The following PIBF1 variants were observed in gnomAD, a reference collection of about 807,000 sequenced individuals.
PIBF1 encodes progesterone-induced-blocking factor 1.
Under a neutral mutation model 112.5 loss-of-function variants are expected in PIBF1, and 90 were observed. The observed-to-expected ratio is 0.80, with a 90% CI of 0.67 to 0.95. The LOEUF is 0.95. Ranked by LOEUF, PIBF1 falls within the 40% of genes least tolerant of loss-of-function variation. The pLI, the probability that PIBF1 is intolerant of heterozygous loss-of-function variation, is 0.00. For missense variants in PIBF1, 915 were observed against 852.3 expected, an observed-to-expected ratio of 1.07 and a Z score of -0.92; for synonymous variants, 301 against 288.6, an observed-to-expected ratio of 1.04 and a Z score of -0.44.
chr13:72,823,135 A>G lies in PIBF1; in HGVS notation c.806+1153A>G, dbSNP rs571545298. ...AAAAAGAATAAAAATGAAATAGATT[A>G]TGATGCTAAGATGATACCAGTTGGT... On this transcript the variant is annotated intron_variant, in intron 6 of 17. Transcript: ENST00000326291. Among the ~76,000 whole-genome samples the G allele has an allele frequency of 1.3e-4, 20 of 152,308 alleles. 1 individual carries two copies. In the East Asian group the frequency reaches 3.7e-3, roughly 28 times the overall value.
chr13:72,917,028 A>C (rs1373530434), intron 12 of PIBF1, 48 bp from the exon 13 acceptor site: 8 of 1,233,936 alleles, frequency 6.5e-6, no homozygotes, highest in African/African-American at 6.2e-5. Flanking sequence ...CATCTTTTTT[A>C]AAGGAAAAAT....
intron 14 of PIBF1, among the ~76,000 whole-genome samples, chr13:72,964,714 A>G (rs1174003317): frequency 1.3e-5 from 2 of 152,172 alleles, no homozygotes; most frequent in Non-Finnish European, 2.9e-5. Context: ...GACCAAGACA[A>G]ATACTAAGAA....
intron 9 of PIBF1, among the ~76,000 whole-genome samples, chr13:72,848,136 T>G (rs1287208444): frequency 2.6e-5 from 4 of 152,208 alleles, no homozygotes; most frequent in African/African-American, 9.7e-5. Context: ...TTTTGTTTTT[T>G]CACTATTTAT....
At chr13:72,939,801 G>C (rs1430725509) in intron 14 of PIBF1, among the ~76,000 whole-genome samples, 1 of 152,046 alleles carries the variant, frequency 6.6e-6, no homozygotes, top group Non-Finnish European at 1.5e-5. Context: ...TTTTCCCTGG[G>C]TAAGGAATTT....
chr13:72,997,180 A>T (rs1594342803), intron 16 of PIBF1, among the ~76,000 whole-genome samples: 1 of 152,292 alleles, frequency 6.6e-6, no homozygotes, highest in East Asian at 1.9e-4. Flanking sequence ...AAGATAGAAA[A>T]GTTGTGGCTA....
intron 10 of PIBF1, among the ~76,000 whole-genome samples, chr13:72,868,545 C>T (rs1430393031): frequency 6.6e-6 from 1 of 152,104 alleles, no homozygotes. Flanking sequence ...ATGGAATGTT[C>T]TGTATGTTGG....
intron 17 of PIBF1, among the ~76,000 whole-genome samples, chr13:73,001,420 A>G (rs1438706153): frequency 2.0e-5 from 3 of 152,008 alleles, no homozygotes; most frequent in South Asian, 2.1e-4. Context: ...AGTATTTGCT[A>G]TAGGTATTTT....
At chr13:72,922,020 C>T (rs1238280200) in intron 13 of PIBF1, among the ~76,000 whole-genome samples, 1 of 152,222 alleles carries the variant, frequency 6.6e-6, no homozygotes, top group Non-Finnish European at 1.5e-5. Flanking sequence ...CACTCTGTTA[C>T]TCAGGTCGGA....
At chr13:72,801,172 C>T (rs2035452093) in intron 5 of PIBF1, among the ~76,000 whole-genome samples, 1 of 152,016 alleles carries the variant, frequency 6.6e-6, no homozygotes. Context: ...TGATTTTAAC[C>T]TTAAGTGAAA....
At chr13:72,998,743 A>C in intron 16 of PIBF1, 79 bp from the exon 17 acceptor site, 1 of 928,734 alleles carries the variant, frequency 1.1e-6, no homozygotes, top group Non-Finnish European at 1.6e-6. Flanking sequence ...TCTACTTAAA[A>C]ATATTTTAAT....
At chr13:72,817,166 C>G (rs990326266) in intron 5 of PIBF1, among the ~76,000 whole-genome samples, 1 of 152,134 alleles carries the variant, frequency 6.6e-6, no homozygotes, top group African/African-American at 2.4e-5. Context: ...TTTCCAATTT[C>G]CTTAGTTGTC....
Position 73,015,890 on chromosome 13 carries a change from T to G in PIBF1, c.2245T>G (p.Trp749Gly). The change falls in exon 18 of 18, where the codon TGG (tryptophan) becomes GGG (glycine). Residue 749 changes from tryptophan to glycine, a missense_variant. Trp to Gly is a radical substitution (Grantham distance 184, BLOSUM62 -2). Coordinates refer to ENST00000326291, the MANE Select transcript of PIBF1 (RefSeq NM_006346.4). ...TLFTKKEAPEWSKKQKMKT is the reference protein window; with the variant it reads ...TLFTKKEAPEGSKKQKMKT Reference sequence around the variant, plus strand: ...ACAGACTAAAAAAGAAGCACCTGAGTGGTCTAAGAAACAAAAGATGAAGAC... The same window carrying G: ...ACAGACTAAAAAAGAAGCACCTGAGGGGTCTAAGAAACAAAAGATGAAGAC... 6.3e-7 allele frequency: 1 copy of G among 1,588,516 alleles called. No individual in the cohort carries two copies. The highest frequency in any genetic ancestry group is 8.6e-7 in the Non-Finnish European group (1 of 1,165,800).
intron 16 of PIBF1, among the ~76,000 whole-genome samples, chr13:72,986,891 C>T (rs2043307735): frequency 6.6e-6 from 1 of 151,960 alleles, no homozygotes; most frequent in South Asian, 2.1e-4. Context: ...CAGGGTTTCA[C>T]CTTGTTAGCC....
At chr13:72,896,559 A>G (rs1254754982) in intron 11 of PIBF1, among the ~76,000 whole-genome samples, 1 of 152,162 alleles carries the variant, frequency 6.6e-6, no homozygotes, top group African/African-American at 2.4e-5. Context: ...AAATGGTACA[A>G]GAAGTGAAGG....
At chr13:73,014,680 T>C (rs1005295776) in intron 17 of PIBF1, among the ~76,000 whole-genome samples, 3 of 152,146 alleles carry the variant, frequency 2.0e-5, no homozygotes, top group African/African-American at 7.2e-5. Flanking sequence ...GTATATGGGA[T>C]ATCTCTGTAC....
intron 8 of PIBF1, among the ~76,000 whole-genome samples, chr13:72,833,049 T>C (rs1025432640): frequency 3.9e-5 from 6 of 152,234 alleles, no homozygotes; most frequent in Non-Finnish European, 7.3e-5. Context: ...TTCTTCCACT[T>C]GATCGATTTG....
intron 12 of PIBF1, among the ~76,000 whole-genome samples, chr13:72,914,747 A>T (rs925922758): frequency 1.3e-5 from 2 of 151,906 alleles, no homozygotes; most frequent in African/African-American, 4.8e-5. Flanking sequence ...ATCATGCCCA[A>T]CTAATTATTT....
intron 13 of PIBF1, among the ~76,000 whole-genome samples, chr13:72,923,913 C>G (rs980946631): frequency 1.3e-5 from 2 of 152,110 alleles, no homozygotes; most frequent in Non-Finnish European, 2.9e-5. Flanking sequence ...GCAGTCAGCC[C>G]AGGTCACGCC....
intron 10 of PIBF1, among the ~76,000 whole-genome samples, chr13:72,865,774 A>G (rs2038900491): frequency 1.3e-5 from 2 of 152,168 alleles, no homozygotes; most frequent in African/African-American, 4.8e-5. Flanking sequence ...CCACACCAGT[A>G]TGTTATACTT....
Sources: allele counts gnomAD v4.1 joint callset (sites outside exome capture counted in the v4.1 genomes callset), GRCh38; gene constraint gnomAD v4.1.1; transcripts MANE v1.5; gene names NCBI Gene and HGNC (gene_info 2026-07-23, HGNC 2026-07-21).